Variants in CRYBA4 observed in about 807,000 individuals in gnomAD.
CRYBA4 encodes beta-crystallin A4.
In CRYBA4, 30 loss-of-function variants were observed where a neutral mutation model predicts 31.7. The ratio of observed to expected loss-of-function variants is 0.95; its 90% confidence interval spans 0.71 to 1.28. The LOEUF is 1.28. CRYBA4 is among the 50% of genes most tolerant of loss of function. The pLI, the probability that CRYBA4 is intolerant of heterozygous loss-of-function variation, is 0.00. For missense variants in CRYBA4, 225 were observed against 260.7 expected (o/e 0.86, Z 0.94); for synonymous variants, 102 against 102.3 (o/e 1.00, Z 0.02).
chr22:26,615,845 C>T, the CRYBA4 span, among the ~76,000 whole-genome samples: 3 of 152,100 alleles, frequency 2.0e-5, no homozygotes, highest in Admixed American at 2.0e-4. Flanking sequence ...GAACCCCTGG[C>T]TATTTTATGG....
upstream of CRYBA4, among the ~76,000 whole-genome samples, chr22:26,619,913 T>C (rs567767282): frequency 3.9e-5 from 6 of 152,146 alleles, no homozygotes; most frequent in Non-Finnish European, 8.8e-5. Flanking sequence ...ACTCTGAGCA[T>C]TTATTATTAT....
At chr22:26,604,189 G>A in the CRYBA4 span, among the ~76,000 whole-genome samples, 20 of 152,150 alleles carry the variant, frequency 1.3e-4, no homozygotes, top group African/African-American at 3.9e-4. Context: ...ACAGACCTTG[G>A]TTCAAATCCC....
At chr22:26,625,791 G>A (rs905194252) in intron 4 of CRYBA4, among the ~76,000 whole-genome samples, 169 bp downstream of exon 4, 1 of 152,192 alleles carries the variant, frequency 6.6e-6, no homozygotes, top group African/African-American at 2.4e-5. Context: ...TTGAAATGGG[G>A]CAATAGTACC....
the CRYBA4 span, among the ~76,000 whole-genome samples, chr22:26,608,789 T>C: frequency 6.6e-6 from 1 of 152,172 alleles, no homozygotes; most frequent in Non-Finnish European, 1.5e-5. Flanking sequence ...ATTCGGGAGA[T>C]ACTCAGTAAC....
the CRYBA4 span, among the ~76,000 whole-genome samples, chr22:26,611,673 A>G: frequency 6.6e-6 from 1 of 151,552 alleles, no homozygotes; most frequent in Non-Finnish European, 1.5e-5. Flanking sequence ...ACGGGGTTTC[A>G]CCTTGTTAGC....
the CRYBA4 span, chr22:26,612,236 T>A: frequency 3.9e-6 from 5 of 1,284,908 alleles, no homozygotes; most frequent in African/African-American, 4.4e-5. Flanking sequence ...GAGGGGGGAG[T>A]CAAAAATTCA....
Position 26,630,412 on chromosome 22 carries a change from C to G in CRYBA4, c.516C>G (p.Asp172Glu). The G allele has an allele frequency of 6.2e-7, 1 of 1,614,222 alleles. No homozygotes were observed. The highest frequency in any genetic ancestry group is 8.5e-7 in the Non-Finnish European group (1 of 1,180,030). Residue 172 changes from aspartate to glutamate, a missense_variant, in exon 6 of 6, where the codon GAC becomes GAG. By Grantham distance (45) the Asp-to-Glu change is conservative. Coordinates refer to ENST00000354760, the MANE Select transcript of CRYBA4 (RefSeq NM_001886.3). ...TGGAATGCGATCACCATTCCGGTGA[C>G]TACAAACATTTCCGGGAGTGGGGCT... ...YVLECDHHSG[D>E]YKHFREWGSH...
the CRYBA4 span, chr22:26,607,918 G>T: frequency 1.2e-6 from 2 of 1,614,198 alleles, no homozygotes; most frequent in South Asian, 1.1e-5. Flanking sequence ...GACATGAGCC[G>T]ATCACTGCGG....
chr22:26,624,876 T>TG (rs1929654353), intron 3 of CRYBA4, among the ~76,000 whole-genome samples: 1 of 152,260 alleles, frequency 6.6e-6, no homozygotes, highest in Admixed American at 6.5e-5. Context: ...CTGTCGCCTG[T>TG]GGGGAGGCGA....
the CRYBA4 span, among the ~76,000 whole-genome samples, chr22:26,605,409 C>G: frequency 6.6e-6 from 1 of 152,072 alleles, no homozygotes; most frequent in African/African-American, 2.4e-5. Context: ...CGCACTGGCT[C>G]ATGCCTGTAA....
the CRYBA4 span, among the ~76,000 whole-genome samples, chr22:26,592,846 G>C: frequency 5.3e-5 from 8 of 152,324 alleles, no homozygotes; most frequent in Admixed American, 6.5e-5. Flanking sequence ...GGGCATGGAG[G>C]GGGTGTTTTG....
chr22:26,613,794 C>T, the CRYBA4 span, among the ~76,000 whole-genome samples: 1 of 152,242 alleles, frequency 6.6e-6, no homozygotes, highest in Non-Finnish European at 1.5e-5. Context: ...TAACCTTAAA[C>T]TCTGACCGCC....
chr22:26,624,293 G>A (rs563439925), intron 3 of CRYBA4, among the ~76,000 whole-genome samples: 21 of 152,108 alleles, frequency 1.4e-4, no homozygotes, highest in Admixed American at 2.0e-4. Flanking sequence ...AAAGTAGATC[G>A]AAAGGAGATG....
chr22:26,603,170 T>C, the CRYBA4 span, among the ~76,000 whole-genome samples: 1 of 150,962 alleles, frequency 6.6e-6, no homozygotes. Flanking sequence ...GCCTCTGACA[T>C]TTATGCACTG....
the CRYBA4 span, among the ~76,000 whole-genome samples, chr22:26,611,285 C>T: frequency 6.6e-6 from 1 of 152,156 alleles, no homozygotes; most frequent in Admixed American, 6.5e-5. Flanking sequence ...CTGCCTCCTA[C>T]AGCACTGTGA....
chr22:26,617,400 G>A (rs1015406553), upstream of CRYBA4, among the ~76,000 whole-genome samples: 14 of 152,312 alleles, frequency 9.2e-5, no homozygotes, highest in Non-Finnish European at 1.9e-4. Context: ...TCTGTAAGGC[G>A]GAGCTAGTTG....
chr22:26,627,427 T>TC (rs71192948), intron 4 of CRYBA4, among the ~76,000 whole-genome samples: 9 of 74,062 alleles, frequency 1.2e-4, no homozygotes, highest in Non-Finnish European at 1.9e-4. Flanking sequence ...TTTCTTTCTT[T>TC]TTCTTTCTTT....
chr22:26,599,220 A>G, the CRYBA4 span: 1 of 490,928 alleles, frequency 2.0e-6, no homozygotes, highest in Non-Finnish European at 3.7e-6. Flanking sequence ...GACGGCAGGA[A>G]CTTGGCCTTA....
chr22:26,625,057 A>G (rs73880139), intron 3 of CRYBA4, among the ~76,000 whole-genome samples: 9,920 of 152,278 alleles, frequency 0.065, 384 homozygotes, highest in Middle Eastern at 0.11. Context: ...CCAAGGTGAG[A>G]TCAGTCTGTG....
Sources: allele counts gnomAD v4.1 joint callset (sites outside exome capture counted in the v4.1 genomes callset), GRCh38; gene constraint gnomAD v4.1.1; transcripts MANE v1.5; gene names NCBI Gene and HGNC (gene_info 2026-07-23, HGNC 2026-07-21).